Variants in FHAD1 observed in about 807,000 individuals in gnomAD.
FHAD1 encodes the protein forkhead-associated domain-containing protein 1.
FHAD1 carries 146 observed loss-of-function variants against 191.3 expected under a neutral mutation model. That is an observed-to-expected ratio of 0.76 (90% CI 0.67 to 0.88). The LOEUF is 0.88. FHAD1 is among the 40% of genes least tolerant of loss of function. The pLI, the probability that FHAD1 is intolerant of heterozygous loss-of-function variation, is 0.00. For synonymous variants in FHAD1, 616 were observed against 672.3 expected, an observed-to-expected ratio of 0.92 and a Z score of 1.29; for missense variants, 1,635 against 1,785.8, an observed-to-expected ratio of 0.92 and a Z score of 1.52.
Position 15,295,022 on chromosome 1 carries a change from G to T in FHAD1, c.569-1662G>T, listed in dbSNP as rs547123746. On this transcript the variant is annotated intron_variant, in intron 4 of 33. Transcript: ENST00000688493. ...TGATTTATATATACTGTAAGTAATG[G>T]AATAATGATGAGATTGTTTGACCCT... Among the ~76,000 whole-genome samples the T allele has an allele frequency of 1.1e-4, 16 of 152,292 alleles. No individual in the cohort carries two copies. The South Asian group carries it at 3.1e-3, about 30-fold the overall frequency.
At chr1:15,365,350 T>TA (rs1310004591) in intron 23 of FHAD1, among the ~76,000 whole-genome samples, 1 of 152,096 alleles carries the variant, frequency 6.6e-6, no homozygotes, top group Non-Finnish European at 1.5e-5. Context: ...TCTTTTTTTT[T>TA]TTCTTAGAGA....
At chr1:15,391,367 G>A in intron 33 of FHAD1, 104 bp downstream of exon 33, 1 of 632,028 alleles carries the variant, frequency 1.6e-6, no homozygotes, top group South Asian at 1.6e-5. Context: ...CCAGGCTGGA[G>A]TGCAGTGGCT....
In FHAD1 at chr1:15,312,948, G is replaced by A; in HGVS notation, c.1040-109G>A. 7.2e-7 allele frequency: 1 copy of A among 1,380,752 alleles called. No homozygotes were observed. The highest frequency in any genetic ancestry group is 2.5e-5 in the East Asian group (1 of 39,856). 85.5% of individuals were successfully genotyped at this position (1,380,752 alleles called of 1,614,324 possible). ...CCCATTCAAGCTCCTGGGATCCTTG[G>A]AGACACCTCCCTTCTCAGTGCCAGG... On this transcript the variant is annotated intron_variant, in intron 7 of 33. Transcript: ENST00000688493. This position sits in a 1 kb window ranked among gnomAD's most constrained non-coding sequence, Gnocchi z 4.7.
rs539290882 is a variant in FHAD1, at chr1:15,275,828, T to TC, written c.300+3303dup. On this transcript the variant is annotated intron_variant, in intron 3 of 33. Coordinates refer to ENST00000688493, the MANE Select transcript of FHAD1 (RefSeq NM_001391957.1). ...AGTCCCTAGAGAGGGGGCTGTGTCTTCCCCGCGGTAGAGTTTTCAAGGATT... is the reference window on the plus strand; with the variant it reads ...AGTCCCTAGAGAGGGGGCTGTGTCTTCCCCCGCGGTAGAGTTTTCAAGGATT... Among the ~76,000 whole-genome samples, 406 of 152,278 alleles carry TC rather than the reference T, an allele frequency of 2.7e-3. 1 individual carries two copies. Among genetic ancestry groups the TC allele is most frequent in the African/African-American group, 8.6e-3 (359 of 41,540 alleles).
At chr1:15,368,269 C>T (rs1346944516) in intron 25 of FHAD1, among the ~76,000 whole-genome samples, 3 of 152,102 alleles carry the variant, frequency 2.0e-5, no homozygotes, top group East Asian at 3.9e-4. Flanking sequence ...CCACCGCGCC[C>T]GGCCCCATTG....
intron 33 of FHAD1, among the ~76,000 whole-genome samples, chr1:15,392,746 G>T (rs1441639712): frequency 2.0e-5 from 3 of 152,116 alleles, no homozygotes; most frequent in Non-Finnish European, 4.4e-5. Flanking sequence ...TTCTTTTCAA[G>T]GCCCTACGGG....
intron 20 of FHAD1, 102 bp downstream of exon 20, chr1:15,353,086 G>A: frequency 2.4e-6 from 2 of 830,822 alleles, no homozygotes; most frequent in Non-Finnish European, 1.9e-6. Context: ...CCCCATCCCT[G>A]GCTGGGGGAC....
intron 2 of FHAD1, among the ~76,000 whole-genome samples, chr1:15,260,390 A>G (rs373441709): frequency 2.0e-5 from 3 of 152,318 alleles, no homozygotes; most frequent in African/African-American, 7.2e-5. Flanking sequence ...TTCGTTTTCT[A>G]TTTATAACAA....
intron 14 of FHAD1, among the ~76,000 whole-genome samples, chr1:15,336,929 C>T (rs934774531): frequency 1.4e-4 from 21 of 152,226 alleles, no homozygotes; most frequent in Non-Finnish European, 2.8e-4. Context: ...CTATCCCTAA[C>T]GAGGGTGTTT....
intron 20 of FHAD1, among the ~76,000 whole-genome samples, chr1:15,355,774 A>G (rs1482079200): frequency 6.6e-6 from 1 of 152,204 alleles, no homozygotes; most frequent in Non-Finnish European, 1.5e-5. Flanking sequence ...GACCCTGAAA[A>G]AGGATCAGAC....
chr1:15,380,083 G>T (rs918064526), intron 28 of FHAD1, among the ~76,000 whole-genome samples: 1 of 152,160 alleles, frequency 6.6e-6, no homozygotes, highest in Non-Finnish European at 1.5e-5. Context: ...AAGGAGGGGG[G>T]ATGTTTTCTA....
chr1:15,350,688 G>T (rs763524124), intron 19 of FHAD1, among the ~76,000 whole-genome samples: 4 of 152,242 alleles, frequency 2.6e-5, no homozygotes, highest in Non-Finnish European at 5.9e-5. Flanking sequence ...CCATGTGGGT[G>T]TGGTGGCAGA....
chr1:15,291,199 A>C (rs1384959624), intron 4 of FHAD1, among the ~76,000 whole-genome samples: 1 of 146,182 alleles, frequency 6.8e-6, no homozygotes, highest in Non-Finnish European at 1.5e-5. Flanking sequence ...CTCCTGCCTC[A>C]GCCTCCCAAG....
At chr1:15,306,577 C>G (rs1670567343) in intron 6 of FHAD1, among the ~76,000 whole-genome samples, 1 of 152,214 alleles carries the variant, frequency 6.6e-6, no homozygotes, top group African/African-American at 2.4e-5. Context: ...CCCGGGGTCC[C>G]CATGCTGTGT....
chr1:15,349,040 A>C lies in FHAD1; in HGVS notation c.2347-2A>C. The C allele has an allele frequency of 6.5e-7, 1 of 1,549,776 alleles. No homozygotes were observed. Among genetic ancestry groups the C allele is most frequent in the Non-Finnish European group, 8.7e-7 (1 of 1,145,764 alleles). On this transcript the variant is annotated splice_acceptor_variant, in intron 18 of 33. Coordinates refer to ENST00000688493, the MANE Select transcript of FHAD1 (RefSeq NM_001391957.1). LOFTEE classifies it high-confidence loss of function. ...CCAAGAGCACTGGTCGTTGATTTTC[A>C]GGTTTTGGAGAGCAGCATAGCCCAT...
intron 6 of FHAD1, 38 bp from the exon 7 acceptor site, chr1:15,308,575 G>A: frequency 6.5e-7 from 1 of 1,549,946 alleles, no homozygotes; most frequent in Non-Finnish European, 8.7e-7. Flanking sequence ...CCCAGACGTG[G>A]GCCAGCCCCC....
In FHAD1 at chr1:15,367,573, C is replaced by A; in HGVS notation, c.3265C>A (p.Leu1089Met). The change falls in exon 25 of 34, where the codon CTG becomes ATG. Residue 1089 changes from leucine (L) to methionine (M), a missense_variant. By Grantham distance (15) the Leu-to-Met change is conservative. Transcript: ENST00000688493. ...GGAGAAGATGGCCCAGATGAGCAGCCTGGTAGAAAAGAAAGATCGGGAGCT... is the reference window on the plus strand; with the variant it reads ...GGAGAAGATGGCCCAGATGAGCAGCATGGTAGAAAAGAAAGATCGGGAGCT... ...LKEKMAQMSS[L>M]VEKKDRELKA... is the part of the protein sequence containing the mutation. 7.2e-7 allele frequency: 1 copy of A among 1,383,210 alleles called. No individual in the cohort carries two copies. The allele number at this position is 1,383,210 out of a possible 1,614,324, so 85.7% of individuals were successfully genotyped here. A position where few individuals can be genotyped will look rare whatever the true frequency, so the allele number is the denominator to read the frequency against.
At chr1:15,378,250 A>C (rs1278936163) in intron 28 of FHAD1, among the ~76,000 whole-genome samples, 2 of 152,192 alleles carry the variant, frequency 1.3e-5, no homozygotes, top group African/African-American at 4.8e-5. Context: ...GCACCACTGC[A>C]CTCCAGCCTG....
intron 14 of FHAD1, among the ~76,000 whole-genome samples, chr1:15,336,353 G>A (rs1036292199): frequency 6.6e-6 from 1 of 152,036 alleles, no homozygotes; most frequent in African/African-American, 2.4e-5. Flanking sequence ...GAAATCCTCC[G>A]AATGGTGCAT....
Sources: gnomAD v4.1 joint callset for allele counts (sites outside exome capture counted in the v4.1 genomes callset) on GRCh38, gnomAD v4.1.1 for gene constraint, Gnocchi (gnomAD v3.1) non-coding constraint, MANE v1.5 for transcripts, NCBI Gene and HGNC (gene_info 2026-07-23, HGNC 2026-07-21) for gene names.